The following PEX19 variants were observed in gnomAD, a reference collection of about 807,000 sequenced individuals.
PEX19 encodes the protein peroxisomal biogenesis factor 19.
In PEX19, 29 loss-of-function variants were observed where a neutral mutation model predicts 36.3. The ratio of observed to expected loss-of-function variants is 0.80; its 90% CI spans 0.60 to 1.09. The LOEUF (loss-of-function observed/expected upper bound fraction) is 1.09, where lower values mean the gene tolerates loss of function less well. Among genes scored for constraint, PEX19 ranks in the 50% least tolerant of loss-of-function variants. The pLI is 0.00. For missense variants in PEX19, 396 were observed against 368.1 expected (o/e 1.08, Z -0.62); for synonymous variants, 141 against 135.2 (o/e 1.04, Z -0.30).
At chr1:160,280,789 G>A (rs1475401510) in intron 5 of PEX19, among the ~76,000 whole-genome samples, 1 of 152,112 alleles carries the variant, frequency 6.6e-6, no homozygotes, top group Non-Finnish European at 1.5e-5. Flanking sequence ...AAAGCGCTGG[G>A]ACTATAGGAG....
At chr1:160,282,851 T>C (rs899784905) in intron 3 of PEX19, 93 bp downstream of exon 3, 1 of 1,339,350 alleles carries the variant, frequency 7.5e-7, no homozygotes, top group African/African-American at 1.4e-5. Flanking sequence ...GACATCATGA[T>C]TGCTATCAAC....
At position 160,283,610 on chromosome 1, in the gene PEX19, G is replaced by C; in HGVS notation, c.100C>G (p.Pro34Ala). The change falls in exon 2 of 8, where the codon CCC (proline) becomes GCC (alanine). Residue 34 changes from proline to alanine, a missense_variant. Pro to Ala is a conservative substitution (Grantham distance 27). Transcript: ENST00000368072. Reference sequence around the variant, plus strand: ...GTGGTAGAAGGGGGTGCTGGGGAGGGTTTGGCTTTATCGAAATCATCAAGA... The same window carrying C: ...GTGGTAGAAGGGGGTGCTGGGGAGGCTTTGGCTTTATCGAAATCATCAAGA... ...SALDDFDKAK[P>A]SPAPPSTTTA... is the part of the protein sequence containing the mutation. 1 of 1,614,136 alleles carries C rather than the reference G, an allele frequency of 6.2e-7. No homozygotes were observed. The highest frequency in any genetic ancestry group is 8.5e-7 in the Non-Finnish European group (1 of 1,179,978).
At position 160,278,609 on chromosome 1, in the gene PEX19, A is replaced by C. The variant is rs1334382088; in HGVS notation, c.*942T>G. 2 of 455,398 alleles carry C rather than the reference A, an allele frequency of 4.4e-6. No homozygotes were observed. Among genetic ancestry groups the C allele is most frequent in the African/African-American group, 4.0e-5 (2 of 50,074 alleles). The allele number at this position is 455,398 out of a possible 1,614,324, so 28.2% of individuals were successfully genotyped here. ...GGACAGGATTCTAAGAGAATCATGT[A>C]TCTCAAATAAGCCAGAATGTATCTG... On this transcript the variant is annotated 3_prime_UTR_variant, in exon 8 of 8. Coordinates refer to ENST00000368072, the MANE Select transcript of PEX19 (RefSeq NM_002857.4).
At chr1:160,283,488 T>C (rs1470410687) in intron 2 of PEX19, 42 bp downstream of exon 2, 6 of 1,415,652 alleles carry the variant, frequency 4.2e-6, no homozygotes, top group Non-Finnish European at 6.0e-6. Context: ...CAGGGCTGCA[T>C]GCCCATCCCC....
intron 5 of PEX19, chr1:160,281,404 C>T (rs918227814): frequency 6.3e-6 from 1 of 159,940 alleles, no homozygotes; most frequent in African/African-American, 2.4e-5. Flanking sequence ...TAAGTAAATC[C>T]TCAGTTAATT....
chr1:160,284,903 G>A, intron 1 of PEX19, 152 bp downstream of exon 1: 1 of 711,186 alleles, frequency 1.4e-6, no homozygotes, highest in Non-Finnish European at 2.5e-6. Flanking sequence ...ATGACCCAGA[G>A]ATTTTTGGGG....
Position 160,277,505 on chromosome 1 carries a change from A to G in PEX19, c.*2046T>C. 4.4e-6 allele frequency: 2 copies of G among 455,752 alleles called. No individual in the cohort carries two copies. Among genetic ancestry groups the G allele is most frequent in the Non-Finnish European group, 8.8e-6 (2 of 226,808 alleles). The allele number at this position is 455,752 out of a possible 1,614,324, so 28.2% of individuals were successfully genotyped here. On this transcript the variant is annotated 3_prime_UTR_variant, in exon 8 of 8. Transcript: ENST00000368072. ...CCTAGAGTACCATAACTCCACCACA[A>G]GTCCTGGAATAATTCCAAAAGTTTT...
At chr1:160,282,358 T>C (rs1657806366) in intron 4 of PEX19, 59 bp downstream of exon 4, 1 of 1,468,034 alleles carries the variant, frequency 6.8e-7, no homozygotes, top group Non-Finnish European at 9.5e-7. Flanking sequence ...CTTTTGAGAC[T>C]CTGCTGGAGA....
In PEX19 at chr1:160,278,752, T is replaced by C. The variant is rs1330492537; in HGVS notation, c.*799A>G. The C allele has an allele frequency of 1.3e-5, 6 of 454,092 alleles. No homozygotes were observed. The highest frequency in any genetic ancestry group is 9.3e-5 in the South Asian group (6 of 64,468). 28.1% of individuals were successfully genotyped at this position (454,092 alleles called of 1,614,324 possible). A position where few individuals can be genotyped will look rare whatever the true frequency, so the allele number is the denominator to read the frequency against. On this transcript the variant is annotated 3_prime_UTR_variant, in exon 8 of 8. Coordinates refer to ENST00000368072, the MANE Select transcript of PEX19 (RefSeq NM_002857.4). ...AGATGAGGGGAAATAGGATGGGCCC[T>C]TCTTTATCACAGCTTGAGCTCAAAA... is the stretch of plus-strand genomic sequence containing the variant.
intron 1 of PEX19, 23 bp from the exon 2 acceptor site, chr1:160,283,662 G>A: frequency 6.4e-7 from 1 of 1,555,912 alleles, no homozygotes; most frequent in Non-Finnish European, 8.9e-7. Context: ...GAGACATGGT[G>A]TGTGTGTTGG....
intron 5 of PEX19, among the ~76,000 whole-genome samples, chr1:160,281,474 T>C (rs1469946203): frequency 6.6e-6 from 1 of 152,244 alleles, no homozygotes; most frequent in Non-Finnish European, 1.5e-5. Context: ...AGTGGCACAA[T>C]CTCAGCTCAC....
At position 160,279,544 on chromosome 1, in the gene PEX19, T is replaced by C. The variant is rs1468201226; in HGVS notation, c.*7A>G. ...GCTGGGACTCAGAGAGGAAAACGTG[T>C]TGTGTTTCACATGATCAGACACTGT... On this transcript the variant is annotated 3_prime_UTR_variant, in exon 8 of 8. Coordinates refer to ENST00000368072, the MANE Select transcript of PEX19 (RefSeq NM_002857.4). 49 of 1,611,208 alleles carry C rather than the reference T, an allele frequency of 3.0e-5. No homozygotes were observed. Among genetic ancestry groups the C allele is most frequent in the Non-Finnish European group, 4.0e-5 (47 of 1,177,268 alleles).
chr1:160,279,923 G>T (rs1014603525), intron 6 of PEX19, 78 bp from the exon 7 acceptor site: 70 of 1,382,956 alleles, frequency 5.1e-5, no homozygotes, highest in Admixed American at 8.4e-5. Context: ...GGAATCTAAT[G>T]AATGATCTCT....
chr1:160,284,967 C>A, intron 1 of PEX19, 88 bp downstream of exon 1: 1 of 1,002,386 alleles, frequency 1.0e-6, no homozygotes, highest in Non-Finnish European at 1.6e-6. Context: ...GCCTCTCCTG[C>A]CCGTCCCTAA....
At chr1:160,282,337 A>T in intron 4 of PEX19, 80 bp downstream of exon 4, 1 of 1,423,342 alleles carries the variant, frequency 7.0e-7, no homozygotes. Flanking sequence ...GATGATACTC[A>T]AAGCATCTGT....
intron 1 of PEX19, among the ~76,000 whole-genome samples, chr1:160,284,808 C>T (rs1024609836): frequency 3.2e-4 from 48 of 152,172 alleles, no homozygotes; most frequent in African/African-American, 1.1e-3. Context: ...TATCATGAAA[C>T]GCCGTCCTGC....
chr1:160,284,287 C>A, intron 1 of PEX19: 1 of 421,226 alleles, frequency 2.4e-6, no homozygotes, highest in Non-Finnish European at 4.9e-6. Context: ...GTTCATTTTT[C>A]TGCCTGCCCA....
Position 160,283,093 on chromosome 1 carries a change from G to A in PEX19, c.197C>T (p.Ser66Phe). The A allele has an allele frequency of 6.2e-7, 1 of 1,613,730 alleles. No individual in the cohort carries two copies. Residue 66 changes from serine to phenylalanine, a missense_variant, in exon 3 of 8, where the codon TCC becomes TTC. Ser to Phe is a radical substitution (Grantham distance 155, BLOSUM62 -2). Transcript: ENST00000368072. ...GDTAKDALFA[S>F]QEKFFQELFD... is the part of the protein sequence containing the mutation. Reference sequence around the variant, plus strand: ...TAGTTCCTGGAAAAACTTCTCTTGGGAAGCGAAGAGGGCATCCTGCGGGGG... The same window carrying A: ...TAGTTCCTGGAAAAACTTCTCTTGGAAAGCGAAGAGGGCATCCTGCGGGGG...
chr1:160,281,489 A>T (rs1220504201), intron 5 of PEX19, among the ~76,000 whole-genome samples: 1 of 152,140 alleles, frequency 6.6e-6, no homozygotes, highest in African/African-American at 2.4e-5. Context: ...GCTCACTGCA[A>T]CCTCTGCCTC....
Sources: gnomAD v4.1 joint callset for allele counts (sites outside exome capture counted in the v4.1 genomes callset) on GRCh38, gnomAD v4.1.1 for gene constraint, MANE v1.5 for transcripts, NCBI Gene and HGNC (gene_info 2026-07-23, HGNC 2026-07-21) for gene names.